CDH13: variants seen among roughly 807,000 people sequenced by gnomAD.
The protein encoded by CDH13 is cadherin-13.
In CDH13, 24 loss-of-function variants were observed where a neutral mutation model predicts 63.8. The observed-to-expected ratio is 0.38, with a 90% CI of 0.27 to 0.53. The LOEUF is 0.53. CDH13 is among the 20% of genes least tolerant of loss of function. The pLI is 0.85. For synonymous variants in CDH13, 503 were observed against 355.3 expected (o/e 1.42, Z -4.67); for missense variants, 1,049 against 903.1 (o/e 1.16, Z -2.07).
intron 4 of CDH13, among the ~76,000 whole-genome samples, chr16:83,134,594 T>G (rs8060054): frequency 3.0e-5 from 1 of 32,912 alleles, no homozygotes; most frequent in South Asian, 1.2e-3. Flanking sequence ...AGAGAGAGAG[T>G]GAGTTACATG....
chr16:83,375,896 T>C (rs1346485840), intron 6 of CDH13, among the ~76,000 whole-genome samples: 3 of 152,096 alleles, frequency 2.0e-5, no homozygotes, highest in African/African-American at 4.8e-5. Context: ...GGAAAGGCCA[T>C]GATACAGGTG....
At chr16:82,652,703 ATTG>A (rs1910863370) in intron 1 of CDH13, among the ~76,000 whole-genome samples, 1 of 144,680 alleles carries the variant, frequency 6.9e-6, no homozygotes, top group Admixed American at 6.8e-5. Context: ...ATTACCTAGA[ATTG>A]TTTTTTTTTT....
At chr16:83,559,377 G>A (rs2075658715) in intron 7 of CDH13, among the ~76,000 whole-genome samples, 1 of 152,128 alleles carries the variant, frequency 6.6e-6, no homozygotes, top group Non-Finnish European at 1.5e-5. Context: ...TTCAAGAGCA[G>A]CCTGAGCAAC....
At chr16:82,934,652 C>T (rs973072223) in intron 2 of CDH13, among the ~76,000 whole-genome samples, 15 of 152,156 alleles carry the variant, frequency 9.9e-5, no homozygotes, top group Admixed American at 7.2e-4. Context: ...CTCTTGCAAG[C>T]TTTGCTGCTT....
At chr16:83,504,346 A>T (rs773329585) in intron 7 of CDH13, among the ~76,000 whole-genome samples, 3 of 152,164 alleles carry the variant, frequency 2.0e-5, no homozygotes, top group Non-Finnish European at 4.4e-5. Flanking sequence ...TCTCTTCTGA[A>T]GATCTGCTGT....
intron 3 of CDH13, among the ~76,000 whole-genome samples, chr16:83,103,214 A>G (rs1323608409): frequency 5.5e-5 from 8 of 145,630 alleles, no homozygotes; most frequent in Middle Eastern, 3.8e-3. Flanking sequence ...CAACCTCCCA[A>G]AGTACTGAGA....
chr16:82,925,629 G>C (rs904426373), intron 2 of CDH13, among the ~76,000 whole-genome samples: 3 of 152,162 alleles, frequency 2.0e-5, no homozygotes, highest in South Asian at 2.1e-4. Context: ...TGGCCAACCT[G>C]AACACTGCCT....
At chr16:83,701,738 C>G (rs1435813410) in intron 10 of CDH13, among the ~76,000 whole-genome samples, 1 of 152,164 alleles carries the variant, frequency 6.6e-6, no homozygotes, top group Non-Finnish European at 1.5e-5. Context: ...ACGGTCAGCA[C>G]CCACCAATTG....
chr16:83,229,876 A>G (rs17676884), intron 5 of CDH13, among the ~76,000 whole-genome samples: 14,127 of 152,176 alleles, frequency 0.093, 895 homozygotes, highest in Admixed American at 0.12. Context: ...AACACTCTGA[A>G]GCTGGACTAG....
chr16:82,834,615 G>A (rs2038687025), intron 1 of CDH13, among the ~76,000 whole-genome samples: 1 of 152,198 alleles, frequency 6.6e-6, no homozygotes, highest in South Asian at 2.1e-4. Context: ...CTTAGCAGCT[G>A]ACCAGCTTTG....
chr16:83,290,608 T>C lies in CDH13; in HGVS notation c.637-54254T>C, dbSNP rs116391126. ...TTTATAAATTATGCAGTCTCAGGTA[T>C]GTCTTTATTAGCAGTGTGAGAACAG... On this transcript the variant is annotated intron_variant, in intron 5 of 13. Coordinates refer to ENST00000567109, the MANE Select transcript of CDH13 (RefSeq NM_001257.5). Among the ~76,000 whole-genome samples, 834 of 152,290 alleles carry C rather than the reference T, an allele frequency of 5.5e-3. 5 individuals are homozygous for C. Among genetic ancestry groups the C allele is most frequent in the African/African-American group, 0.019 (785 of 41,560 alleles).
In CDH13 at chr16:83,315,158, G is replaced by T. The variant is rs151283849; in HGVS notation, c.637-29704G>T. On this transcript the variant is annotated intron_variant, in intron 5 of 13. Transcript: ENST00000567109. ...GTCTGTGTATGATGCTTATAATTGT[G>T]ATCATCATTTATCCTAAGCTCATAT... Among the ~76,000 whole-genome samples, 132 of 152,306 alleles carry T rather than the reference G, an allele frequency of 8.7e-4. 1 individual carries two copies. Among genetic ancestry groups the T allele is most frequent in the African/African-American group, 3.2e-3 (132 of 41,558 alleles).
At chr16:83,446,073 G>T (rs1227827217) in intron 6 of CDH13, among the ~76,000 whole-genome samples, 4 of 151,986 alleles carry the variant, frequency 2.6e-5, no homozygotes, top group African/African-American at 9.7e-5. Context: ...CTGAGGTGGG[G>T]GGGCAGATTA....
At position 83,215,928 on chromosome 16, in the gene CDH13, C is replaced by G. The variant is rs140479930; in HGVS notation, c.484-1417C>G. On this transcript the variant is annotated intron_variant, in intron 4 of 13. Transcript: ENST00000567109. The stretch of plus-strand genomic sequence containing the variant: ...ATAGATGAATACTTGAGGGTAAACT[C>G]TAGATTCCACTTATGCCAATAATAG... 2.4e-3 allele frequency among the ~76,000 whole-genome samples: 371 copies of G among 152,154 alleles called. 1 individual carries two copies. Among genetic ancestry groups the G allele is most frequent in the African/African-American group, 8.3e-3 (343 of 41,516 alleles).
intron 6 of CDH13, among the ~76,000 whole-genome samples, chr16:83,485,905 G>A (rs1422929416): frequency 1.3e-5 from 2 of 152,160 alleles, no homozygotes; most frequent in Admixed American, 6.6e-5. Flanking sequence ...CACCCTTGGA[G>A]GCCGAGGCAG....
chr16:83,245,097 G>A (rs1904856699), intron 5 of CDH13, among the ~76,000 whole-genome samples: 1 of 149,374 alleles, frequency 6.7e-6, no homozygotes, highest in African/African-American at 2.5e-5. Context: ...TTGCTATGTT[G>A]GCTCTTTTCT....
At chr16:83,697,952 G>C (rs1413805120) in intron 10 of CDH13, among the ~76,000 whole-genome samples, 1 of 152,182 alleles carries the variant, frequency 6.6e-6, no homozygotes, top group Non-Finnish European at 1.5e-5. Flanking sequence ...CCAGCCTACA[G>C]TAGTTTTATA....
chr16:83,053,462 A>C (rs1020574683), intron 3 of CDH13, among the ~76,000 whole-genome samples: 1 of 152,186 alleles, frequency 6.6e-6, no homozygotes, highest in African/African-American at 2.4e-5. Context: ...AAGATTTATC[A>C]AGGTAAAGTG....
intron 1 of CDH13, among the ~76,000 whole-genome samples, chr16:82,707,388 A>G (rs2031577121): frequency 6.6e-6 from 1 of 152,230 alleles, no homozygotes; most frequent in Non-Finnish European, 1.5e-5. Flanking sequence ...GCACTGGCCA[A>G]TGAGAATGAG....
Sources: gnomAD v4.1 joint callset for allele counts (sites outside exome capture counted in the v4.1 genomes callset) on GRCh38, gnomAD v4.1.1 for gene constraint, MANE v1.5 for transcripts, NCBI Gene and HGNC (gene_info 2026-07-23, HGNC 2026-07-21) for gene names.